Variants in HELLS observed in about 807,000 individuals in gnomAD.
The protein encoded by HELLS is helicase, lymphoid specific.
In HELLS, 32 loss-of-function variants were observed where a neutral mutation model predicts 120.0. The ratio of observed to expected loss-of-function variants is 0.27; its 90% CI spans 0.20 to 0.36. The LOEUF (loss-of-function observed/expected upper bound fraction) is 0.36. Among genes scored for constraint, HELLS ranks in the 10% least tolerant of loss-of-function variants. The pLI is 1.00. For missense variants in HELLS, 650 were observed against 993.4 expected, an observed-to-expected ratio of 0.65 and a Z score of 4.65; for synonymous variants, 341 against 323.4, an observed-to-expected ratio of 1.05 and a Z score of -0.58.
In HELLS at chr10:94,545,907, G is replaced by C; in HGVS notation, c.-15G>C. On this transcript the variant is annotated 5_prime_UTR_variant, in exon 1 of 22. Transcript: ENST00000348459. ...CTGAGAGGAGGGGACCCGGTTCCCG[G>C]GTGAGTGTCCAGGCATGCCAGCGGA... is the stretch of plus-strand genomic sequence containing the variant. 3 of 1,553,948 alleles carry C rather than the reference G, an allele frequency of 1.9e-6. No individual in the cohort carries two copies. Among genetic ancestry groups the C allele is most frequent in the Non-Finnish European group, 2.6e-6 (3 of 1,148,088 alleles).
At chr10:94,558,609 T>C (rs1316631892) in intron 4 of HELLS, among the ~76,000 whole-genome samples, 1 of 152,138 alleles carries the variant, frequency 6.6e-6, no homozygotes, top group African/African-American at 2.4e-5. Context: ...TCTATTTTTT[T>C]TTTCTTTTTT....
At position 94,570,432 on chromosome 10, in the gene HELLS, C is replaced by T. The variant is rs865877668; in HGVS notation, c.436-956C>T. The T allele has an allele frequency of 2.0e-5, 3 of 152,032 alleles. No homozygotes were observed. In the South Asian group the frequency reaches 6.2e-4, roughly 32 times the overall value. The allele number at this position is 152,032 out of a possible 1,614,324, so 9.4% of individuals were successfully genotyped here. On this transcript the variant is annotated intron_variant, in intron 6 of 21. Coordinates refer to ENST00000348459, the MANE Select transcript of HELLS (RefSeq NM_018063.5). ...TATGAATATCTATACATACATAATACTTCATACACACACGATATACATATA... is the reference window on the plus strand; with the variant it reads ...TATGAATATCTATACATACATAATATTTCATACACACACGATATACATATA...
At position 94,580,185 on chromosome 10, in the gene HELLS, A is replaced by ATT. The variant is rs57237348; in HGVS notation, c.1033-1123_1033-1122dup. On this transcript the variant is annotated intron_variant, in intron 10 of 21. Transcript: ENST00000348459. ...TATACACACACACACACACACACAC[A>ATT]TTTTTTTTTTTTTTTTTTTGAGACA... is the stretch of plus-strand genomic sequence containing the variant. Among the ~76,000 whole-genome samples the ATT allele has an allele frequency of 3.2e-3, 223 of 69,358 alleles. 6 individuals carry two copies. The highest frequency in any genetic ancestry group is 7.9e-3 in the East Asian group (16 of 2,024). 45.5% of individuals were successfully genotyped at this position (69,358 alleles called of 152,430 possible).
Position 94,562,806 on chromosome 10 carries a change from T to C in HELLS, c.371-6T>C. On this transcript the variant is annotated splice_region_variant and splice_polypyrimidine_tract_variant and intron_variant, in intron 5 of 21. Coordinates refer to ENST00000348459, the MANE Select transcript of HELLS (RefSeq NM_018063.5). ...TTGCTATCAAAAATAAAATTTTTTT[T>C]TATAGTTATGAGGAAAAAAAGAGGA... 1 of 1,556,262 alleles carries C rather than the reference T, an allele frequency of 6.4e-7. No homozygotes were observed. The highest frequency in any genetic ancestry group is 1.8e-5 in the Admixed American group (1 of 54,590).
In HELLS at chr10:94,601,765, T is replaced by C. The variant is rs914130724; in HGVS notation, c.*143T>C. 6.1e-6 allele frequency: 3 copies of C among 495,550 alleles called. No individual in the cohort carries two copies. Among genetic ancestry groups the C allele is most frequent in the Non-Finnish European group, 1.1e-5 (3 of 279,682 alleles). The allele number at this position is 495,550 out of a possible 1,614,324, so 30.7% of individuals were successfully genotyped here. A position where few individuals can be genotyped will look rare whatever the true frequency, so the allele number is the denominator to read the frequency against. On this transcript the variant is annotated 3_prime_UTR_variant, in exon 22 of 22. Transcript: ENST00000348459. ...CTAGTACCATGCGTACTTAAATAGA[T>C]GGTAATTTTCTGAGCCTTACCAAGA...
intron 2 of HELLS, among the ~76,000 whole-genome samples, chr10:94,546,852 G>C (rs1203183306): frequency 6.6e-6 from 1 of 152,124 alleles, no homozygotes; most frequent in Non-Finnish European, 1.5e-5. Flanking sequence ...ATGTCTCATG[G>C]CAAACAGGAA....
chr10:94,571,338 A>G (rs1844149399), intron 6 of HELLS, 50 bp from the exon 7 acceptor site: 1 of 1,339,990 alleles, frequency 7.5e-7, no homozygotes, highest in East Asian at 2.4e-5. Context: ...ATAAATAAAT[A>G]AATGAACTTC....
intron 12 of HELLS, among the ~76,000 whole-genome samples, chr10:94,584,509 T>C (rs1845025315): frequency 6.6e-6 from 1 of 152,122 alleles, no homozygotes; most frequent in African/African-American, 2.4e-5. Context: ...TAGGAAGAGA[T>C]GTGTTTGGAT....
rs988436570 is a variant in HELLS, at chr10:94,584,246, T to C, written c.1326+1187T>C. 1.5e-5 allele frequency: 6 copies of C among 401,252 alleles called. No individual in the cohort carries two copies. In the East Asian group the frequency reaches 1.8e-4, roughly 12 times the overall value. The allele number at this position is 401,252 out of a possible 1,614,324, so 24.9% of individuals were successfully genotyped here. On this transcript the variant is annotated intron_variant, in intron 12 of 21. Coordinates refer to ENST00000348459, the MANE Select transcript of HELLS (RefSeq NM_018063.5). ...TCCAACATGTGTTGGAATATTTATTTATTAATGGTTTATAATAACTATATG... is the reference window on the plus strand; with the variant it reads ...TCCAACATGTGTTGGAATATTTATTCATTAATGGTTTATAATAACTATATG...
At chr10:94,608,008 A>T in exon 9 of HELLS, 1 of 342,538 alleles carries the variant, frequency 2.9e-6, no homozygotes. Context: ...TACAAGCGTG[A>T]GCCACTGCGT....
chr10:94,554,292 T>A (rs1311125462), intron 3 of HELLS, 44 bp downstream of exon 3: 2 of 1,389,848 alleles, frequency 1.4e-6, no homozygotes, highest in Admixed American at 2.6e-5. Context: ...TAAAAAAATT[T>A]AAAAATAGCT....
chr10:94,580,253 C>T (rs189492463), intron 10 of HELLS, among the ~76,000 whole-genome samples: 2 of 144,590 alleles, frequency 1.4e-5, no homozygotes, highest in Non-Finnish European at 3.0e-5. Context: ...GGCACGATCT[C>T]GGCTTACTGC....
At chr10:94,608,303 C>T (rs529908284) in intron 9 of HELLS, among the ~76,000 whole-genome samples, 3 of 152,274 alleles carry the variant, frequency 2.0e-5, no homozygotes, top group Admixed American at 1.3e-4. Context: ...AGAAATCTTA[C>T]ATATCCTTTA....
chr10:94,558,543 A>T (rs964052413), intron 4 of HELLS, among the ~76,000 whole-genome samples: 1 of 152,174 alleles, frequency 6.6e-6, no homozygotes, highest in African/African-American at 2.4e-5. Context: ...GTGAAAAGAG[A>T]AATAATTTAT....
intron 11 of HELLS, among the ~76,000 whole-genome samples, chr10:94,582,024 C>T (rs1484169888): frequency 6.6e-6 from 1 of 152,064 alleles, no homozygotes; most frequent in Non-Finnish European, 1.5e-5. Context: ...TAAAATCAGA[C>T]ATAAAAGTAG....
At chr10:94,575,765 TTGTGTTTGTG>T (rs1564597278) in intron 9 of HELLS, among the ~76,000 whole-genome samples, 61 of 38,710 alleles carry the variant, frequency 1.6e-3, no homozygotes, top group African/African-American at 5.0e-3. Context: ...GGGGGGGGGG[TTGTGTTTGTG>T]TGTGTGTGTG....
chr10:94,560,783 C>T (rs1417888182), intron 4 of HELLS, among the ~76,000 whole-genome samples: 6 of 149,538 alleles, frequency 4.0e-5, no homozygotes, highest in Non-Finnish European at 8.9e-5. Context: ...GGGCCAGGCA[C>T]GGTGGCTCAC....
chr10:94,552,091 T>G (rs2134278829), intron 2 of HELLS, among the ~76,000 whole-genome samples: 1 of 152,158 alleles, frequency 6.6e-6, no homozygotes, highest in Admixed American at 6.5e-5. Flanking sequence ...ACTTTCCTCT[T>G]AAGTTGAAAC....
intron 10 of HELLS, among the ~76,000 whole-genome samples, chr10:94,578,889 C>T (rs1180082512): frequency 6.6e-6 from 1 of 151,732 alleles, no homozygotes; most frequent in South Asian, 2.1e-4. Flanking sequence ...AATATAATGT[C>T]TCCTGATCTG....
Sources: allele counts gnomAD v4.1 joint callset (sites outside exome capture counted in the v4.1 genomes callset), GRCh38; gene constraint gnomAD v4.1.1; transcripts MANE v1.5; gene names NCBI Gene and HGNC (gene_info 2026-07-23, HGNC 2026-07-21).